The following SCAPER variants were observed in gnomAD, a reference collection of about 807,000 sequenced individuals.
SCAPER encodes S phase cyclin A-associated protein in the endoplasmic reticulum.
Under a neutral mutation model 182.2 loss-of-function variants are expected in SCAPER, and 98 were observed. That is an observed-to-expected ratio of 0.54 (90% CI 0.46 to 0.64). The LOEUF (loss-of-function observed/expected upper bound fraction) is 0.64, where lower values mean the gene tolerates loss of function less well. Among genes scored for constraint, SCAPER ranks in the 30% least tolerant of loss-of-function variants. SCAPER has a pLI of 0.00. For missense variants in SCAPER, 1,432 were observed against 1,690.0 expected (o/e 0.85, Z 2.68); for synonymous variants, 605 against 564.6 (o/e 1.07, Z -1.01).
chr15:76,895,931 T>TTTC (rs1238035395), intron 1 of SCAPER, among the ~76,000 whole-genome samples: 1 of 151,832 alleles, frequency 6.6e-6, no homozygotes, highest in Non-Finnish European at 1.5e-5. Context: ...TCCCAGCTAC[T>TTTC]TGGGAAGCTG....
chr15:76,460,374 T>C (rs542298472), intron 25 of SCAPER, among the ~76,000 whole-genome samples: 1 of 152,306 alleles, frequency 6.6e-6, no homozygotes, highest in East Asian at 1.9e-4. Flanking sequence ...CATTGGTGTA[T>C]AGAAATGTTA....
intron 4 of SCAPER, among the ~76,000 whole-genome samples, chr15:76,845,354 C>T (rs539234298): frequency 7.9e-5 from 12 of 152,068 alleles, no homozygotes; most frequent in East Asian, 1.9e-4. Flanking sequence ...CAAAACAGTA[C>T]GTACTGGAAG....
At chr15:76,532,548 G>T (rs970024748) in intron 23 of SCAPER, among the ~76,000 whole-genome samples, 10 of 151,922 alleles carry the variant, frequency 6.6e-5, no homozygotes, top group African/African-American at 2.2e-4. Context: ...AAGTCTGCAG[G>T]CTAATGCTGA....
intron 22 of SCAPER, among the ~76,000 whole-genome samples, chr15:76,577,559 G>A (rs1266240621): frequency 6.6e-6 from 1 of 152,170 alleles, no homozygotes; most frequent in Non-Finnish European, 1.5e-5. Flanking sequence ...CCCATTCCAG[G>A]CCCTAGCTCC....
intron 14 of SCAPER, among the ~76,000 whole-genome samples, chr15:76,759,346 A>G (rs1011278251): frequency 2.0e-5 from 3 of 152,182 alleles, no homozygotes; most frequent in Admixed American, 6.6e-5. Flanking sequence ...GCATCTGATA[A>G]GGTTCTTCTT....
chr15:76,466,466 A>C (rs1012871247), intron 25 of SCAPER, among the ~76,000 whole-genome samples: 3 of 51,302 alleles, frequency 5.8e-5, no homozygotes, highest in African/African-American at 2.0e-4. Flanking sequence ...CTTTGTTGAT[A>C]TTCTCATTTT....
At chr15:76,797,347 C>G (rs949052322) in intron 7 of SCAPER, 11 of 152,110 alleles carry the variant, frequency 7.2e-5, no homozygotes, top group African/African-American at 2.7e-4. Context: ...AATAATACAA[C>G]TACCAGAGAT....
intron 7 of SCAPER, 26 bp from the exon 8 acceptor site, chr15:76,795,466 ATAAAT>A (rs748723553): frequency 1.4e-6 from 2 of 1,434,944 alleles, no homozygotes; most frequent in Non-Finnish European, 1.8e-6. Flanking sequence ...AACACATTTA[ATAAAT>A]TAAATATAAA....
Position 76,680,588 on chromosome 15 carries a change from G to A in SCAPER, c.2509-14799C>T, listed in dbSNP as rs2057645513. On this transcript the variant is annotated intron_variant, in intron 20 of 31. Coordinates refer to ENST00000563290, the MANE Select transcript of SCAPER (RefSeq NM_020843.4). ...ATACTGGGAAGTTATTGGGTGATGG[G>A]GGTGGATGCCTTATGATTAGATAAA... Among the ~76,000 whole-genome samples, 6 of 152,174 alleles carry A rather than the reference G, an allele frequency of 3.9e-5. 1 individual carries two copies. The South Asian group carries it at 6.2e-4, about 16-fold the overall frequency.
At chr15:76,843,250 G>A (rs1035132319) in intron 4 of SCAPER, among the ~76,000 whole-genome samples, 8 of 152,116 alleles carry the variant, frequency 5.3e-5, no homozygotes, top group African/African-American at 1.2e-4. Context: ...CTATCATTAC[G>A]TGTGACTGCT....
intron 27 of SCAPER, among the ~76,000 whole-genome samples, chr15:76,389,639 C>T (rs1313677390): frequency 1.3e-5 from 2 of 150,946 alleles, no homozygotes; most frequent in Admixed American, 6.6e-5. Context: ...CGGTGAAACC[C>T]CATCTTTACT....
intron 5 of SCAPER, among the ~76,000 whole-genome samples, chr15:76,837,598 T>C (rs2069072030): frequency 6.6e-6 from 1 of 152,218 alleles, no homozygotes; most frequent in African/African-American, 2.4e-5. Context: ...TTATGGGAAC[T>C]ACAATTCAAG....
intron 23 of SCAPER, among the ~76,000 whole-genome samples, chr15:76,553,522 C>A (rs2045949800): frequency 6.6e-6 from 1 of 152,198 alleles, no homozygotes; most frequent in South Asian, 2.1e-4. Context: ...CATGAATGAG[C>A]ACAGATCCCA....
At chr15:76,791,050 A>G (rs1415584360) in intron 8 of SCAPER, among the ~76,000 whole-genome samples, 1 of 152,224 alleles carries the variant, frequency 6.6e-6, no homozygotes, top group Non-Finnish European at 1.5e-5. Context: ...TGACTCGATG[A>G]GTTATCTAAA....
At chr15:76,714,806 T>C (rs972058164) in intron 17 of SCAPER, among the ~76,000 whole-genome samples, 4 of 152,176 alleles carry the variant, frequency 2.6e-5, no homozygotes, top group Admixed American at 6.5e-5. Flanking sequence ...CAATAATTTA[T>C]ATCGGTAAAT....
At chr15:76,819,544 A>G (rs1311956111) in intron 5 of SCAPER, among the ~76,000 whole-genome samples, 3 of 152,230 alleles carry the variant, frequency 2.0e-5, no homozygotes, top group Non-Finnish European at 4.4e-5. Flanking sequence ...TAGAAGGAAA[A>G]CTAACAAACA....
chr15:76,413,144 T>G (rs1346565301), intron 26 of SCAPER, among the ~76,000 whole-genome samples: 1 of 152,198 alleles, frequency 6.6e-6, no homozygotes, highest in Non-Finnish European at 1.5e-5. Context: ...GTAGATTACA[T>G]AGTTTTCTAT....
chr15:76,534,631 C>T (rs938209378), intron 23 of SCAPER, among the ~76,000 whole-genome samples: 6 of 151,912 alleles, frequency 3.9e-5, no homozygotes, highest in Non-Finnish European at 5.9e-5. Flanking sequence ...GTAATGAATC[C>T]CATTCTTTCA....
In SCAPER at chr15:76,416,983, C is replaced by T. The variant is rs572216364; in HGVS notation, c.3312-12304G>A. On this transcript the variant is annotated intron_variant, in intron 26 of 31. Coordinates refer to ENST00000563290, the MANE Select transcript of SCAPER (RefSeq NM_020843.4). Reference sequence around the variant, plus strand: ...TCTGGAGGTTGAGGCAGAAGGACTGCTTGAGGCCAGGAGTTGAGTTACAGT... The same window carrying T: ...TCTGGAGGTTGAGGCAGAAGGACTGTTTGAGGCCAGGAGTTGAGTTACAGT... 2.6e-5 allele frequency among the ~76,000 whole-genome samples: 4 copies of T among 152,046 alleles called. No homozygotes were observed. The South Asian group carries it at 8.3e-4, about 32-fold the overall frequency.
Sources: gnomAD v4.1 joint callset for allele counts (sites outside exome capture counted in the v4.1 genomes callset) on GRCh38, gnomAD v4.1.1 for gene constraint, MANE v1.5 for transcripts, NCBI Gene and HGNC (gene_info 2026-07-23, HGNC 2026-07-21) for gene names.